The following NCOR2 variants were observed in gnomAD, a reference collection of about 807,000 sequenced individuals.
NCOR2 encodes the protein nuclear receptor corepressor 2, also known as CTG repeat protein 26.
A neutral mutation model predicts 262.9 loss-of-function variants in NCOR2; 81 were observed. The observed-to-expected ratio is 0.31, with a 90% CI of 0.26 to 0.37. NCOR2 has a LOEUF of 0.37. Among genes scored for constraint, NCOR2 ranks in the 10% least tolerant of loss-of-function variants. The pLI, the probability that NCOR2 is intolerant of heterozygous loss-of-function variation, is 1.00. For synonymous variants in NCOR2, 1,659 were observed against 1,559.3 expected (o/e 1.06, Z -1.51); for missense variants, 3,385 against 3,621.4 (o/e 0.93, Z 1.68).
In NCOR2 at chr12:124,458,065, T is replaced by G. The variant is rs1010147890; in HGVS notation, c.706-903A>C. On this transcript the variant is annotated intron_variant, in intron 5 of 46. Coordinates refer to ENST00000405201, the Ensembl canonical transcript of NCOR2. The stretch of plus-strand genomic sequence containing the variant: ...TGCTGGCAAATGGGTGTTCACAGGC[T>G]GGCACGCGGGCGAGCCCCTGCTGTG... 5.9e-5 allele frequency among the ~76,000 whole-genome samples: 9 copies of G among 152,340 alleles called. No homozygotes were observed. In the South Asian group the frequency reaches 8.3e-4, roughly 14 times the overall value.
At position 124,402,897 on chromosome 12, in the gene NCOR2, C is replaced by T. The variant is rs371555965; in HGVS notation, c.1483-336G>A. 1.6e-4 allele frequency among the ~76,000 whole-genome samples: 24 copies of T among 152,304 alleles called. No individual in the cohort carries two copies. In the South Asian group the frequency reaches 4.8e-3, roughly 30 times the overall value. On this transcript the variant is annotated intron_variant, in intron 13 of 46. Transcript: ENST00000405201. Reference sequence around the variant, plus strand: ...GAGGGTCTTAACCTCTCTGTGCCGACTCCTTCGCCTTGACAATGGGGGTAT... The same window carrying T: ...GAGGGTCTTAACCTCTCTGTGCCGATTCCTTCGCCTTGACAATGGGGGTAT...
intron 8 of NCOR2, among the ~76,000 whole-genome samples, chr12:124,431,308 CACAGTCACAT>C (rs1257111258): frequency 6.6e-6 from 1 of 150,940 alleles, no homozygotes; most frequent in Non-Finnish European, 1.5e-5. Context: ...CACAGACACA[CACAGTCACAT>C]ACACACATGC....
At chr12:124,340,563 A>G in intron 35 of NCOR2, 39 bp downstream of exon 37, 3 of 1,516,936 alleles carry the variant, frequency 2.0e-6, no homozygotes, top group Non-Finnish European at 2.6e-6. Context: ...CCTCCCATGG[A>G]TGCCGGGGTC....
chr12:124,471,625 G>A (rs1057404633), intron 4 of NCOR2, among the ~76,000 whole-genome samples: 1 of 152,248 alleles, frequency 6.6e-6, no homozygotes, highest in East Asian at 1.9e-4. Context: ...AGGCAAGAGT[G>A]CAGTGGCAAT....
In NCOR2 at chr12:124,335,276, G is replaced by A. The variant is rs113220122; in HGVS notation, c.6270C>T (p.Pro2090=). ...GGGCGGCCTCCCCGCCAAGCTTCAC[G>A]GGGCCTGCAGGCAGAGCAGAGCTGG... Residue 2090 remains proline, a synonymous_variant, in exon 40 of 47, where the codon CCC becomes CCT. Transcript: ENST00000405201. The A allele has an allele frequency of 1.6e-5, 25 of 1,596,172 alleles. 2 individuals are homozygous for A. The highest frequency in any genetic ancestry group is 1.1e-4 in the African/African-American group (8 of 74,744).
chr12:124,395,206 G>A (rs1162465917), intron 16 of NCOR2, among the ~76,000 whole-genome samples: 2 of 152,152 alleles, frequency 1.3e-5, no homozygotes, highest in African/African-American at 4.8e-5. Flanking sequence ...AGCAATAGCC[G>A]CTTCTCCAGT....
At chr12:124,492,632 C>T (rs552623656) in intron 1 of NCOR2, among the ~76,000 whole-genome samples, 19 of 152,268 alleles carry the variant, frequency 1.2e-4, no homozygotes, top group East Asian at 5.8e-4. Flanking sequence ...TCCCCTTACC[C>T]GGGGGGATCT....
In NCOR2 at chr12:124,483,451, T is replaced by C; in HGVS notation, c.411+145A>G. 1.2e-6 allele frequency: 1 copy of C among 868,820 alleles called. No homozygotes were observed. Among genetic ancestry groups the C allele is most frequent in the Non-Finnish European group, 1.7e-6 (1 of 595,618 alleles). The allele number at this position is 868,820 out of a possible 1,614,324, so 53.8% of individuals were successfully genotyped here. A position where few individuals can be genotyped will look rare whatever the true frequency, so the allele number is the denominator to read the frequency against. ...GCCTGCCCTCTTCCTGCCACCCAGC[T>C]CTGTGCACCCGGTGCTTGGCCCACC... On this transcript the variant is annotated intron_variant, in intron 3 of 46. Coordinates refer to ENST00000405201, the Ensembl canonical transcript of NCOR2. This position sits in a 1 kb window ranked among gnomAD's most constrained non-coding sequence, Gnocchi z 6.3.
intron 13 of NCOR2, among the ~76,000 whole-genome samples, chr12:124,419,610 G>A (rs2043101323): frequency 6.6e-6 from 1 of 152,226 alleles, no homozygotes; most frequent in South Asian, 2.1e-4. Flanking sequence ...ATCCTGGGAA[G>A]CTCTTACTTT....
chr12:124,388,543 G>A (rs953894256), intron 16 of NCOR2: 1 of 845,002 alleles, frequency 1.2e-6, no homozygotes, highest in Non-Finnish European at 1.7e-6. Context: ...TGGGGGAAAG[G>A]ATGGGCTGGG....
chr12:124,520,253 A>G (rs1315155923), intron 1 of NCOR2, among the ~76,000 whole-genome samples: 1 of 152,160 alleles, frequency 6.6e-6, no homozygotes, highest in Non-Finnish European at 1.5e-5. Context: ...GAGGCACAGG[A>G]AGGCACGGGC....
At chr12:124,484,952 T>TGGCCCCCCCGGGGAGCGGGGC (rs2047697411) in intron 2 of NCOR2, among the ~76,000 whole-genome samples, 1 of 152,216 alleles carries the variant, frequency 6.6e-6, no homozygotes, top group Non-Finnish European at 1.5e-5. Context: ...GCCGTGTTGC[T>TGGCCCCCCCGGGGAGCGGGGC]GGCCCCCCCG....
intron 1 of NCOR2, among the ~76,000 whole-genome samples, chr12:124,546,525 C>T (rs569760258): frequency 5.5e-4 from 84 of 152,140 alleles, no homozygotes; most frequent in Non-Finnish European, 7.5e-4. Context: ...AGTGATTATC[C>T]TGCCTCAGCC....
chr12:124,539,302 C>G (rs1218425251), upstream of NCOR2: 2 of 152,636 alleles, frequency 1.3e-5, no homozygotes, highest in Non-Finnish European at 2.9e-5. This position sits in a 1 kb window ranked among gnomAD's most constrained non-coding sequence, Gnocchi z 5.1. Context: ...CACACTCATT[C>G]ACACTCGTGC....
At chr12:124,407,008 C>A (rs1565915084) in intron 13 of NCOR2, among the ~76,000 whole-genome samples, 1 of 152,214 alleles carries the variant, frequency 6.6e-6, no homozygotes, top group Non-Finnish European at 1.5e-5. Context: ...AATGCAAAGA[C>A]AGAGGGAGTT....
At chr12:124,325,377 G>GCCAC (rs762207402) in exon 47 of NCOR2, 18 of 246,784 alleles carry the variant, frequency 7.3e-5, no homozygotes, top group East Asian at 6.6e-5. Context: ...ACCTGACACC[G>GCCAC]CCCCCCCCCC....
At chr12:124,519,004 A>G (rs2050009130) in intron 1 of NCOR2, among the ~76,000 whole-genome samples, 2 of 151,828 alleles carry the variant, frequency 1.3e-5, no homozygotes. Flanking sequence ...AATCCTAGGA[A>G]AAGAAAGCGT....
chr12:124,384,334 C>T (rs540082641), intron 17 of NCOR2, among the ~76,000 whole-genome samples: 21 of 152,234 alleles, frequency 1.4e-4, no homozygotes, highest in Admixed American at 1.4e-3. Flanking sequence ...TTCCTCCACA[C>T]CCAACCAGAA....
intron 1 of NCOR2, among the ~76,000 whole-genome samples, chr12:124,524,775 C>G (rs2137112491): frequency 6.6e-6 from 1 of 152,342 alleles, no homozygotes; most frequent in Non-Finnish European, 1.5e-5. Flanking sequence ...TGATGGAAGA[C>G]TAATTCAGCT....
Sources: allele counts gnomAD v4.1 joint callset (sites outside exome capture counted in the v4.1 genomes callset), GRCh38; gene constraint gnomAD v4.1.1; non-coding constraint Gnocchi (gnomAD v3.1); transcripts MANE v1.5; gene names NCBI Gene and HGNC (gene_info 2026-07-23, HGNC 2026-07-21).